SERGEF: variants seen among roughly 807,000 people sequenced by gnomAD.
SERGEF encodes secretion regulating guanine nucleotide exchange factor.
A neutral mutation model predicts 50.0 loss-of-function variants in SERGEF; 51 were observed. The ratio of observed to expected loss-of-function variants is 1.02; its 90% CI spans 0.81 to 1.29. The LOEUF is 1.29. Among genes scored for constraint, SERGEF ranks in the 50% most tolerant of loss-of-function variants. The pLI is 0.00. For missense variants in SERGEF, 521 were observed against 557.0 expected (o/e 0.94, Z 0.65); for synonymous variants, 205 against 212.4 (o/e 0.97, Z 0.30).
chr11:17,815,725 C>T (rs997262447), intron 10 of SERGEF, among the ~76,000 whole-genome samples: 13 of 151,742 alleles, frequency 8.6e-5, no homozygotes, highest in Non-Finnish European at 1.8e-4. Context: ...AGATCGAGAC[C>T]ATCCTGGCCA....
intron 9 of SERGEF, among the ~76,000 whole-genome samples, chr11:17,893,509 G>A (rs535595486): frequency 6.6e-6 from 1 of 152,168 alleles, no homozygotes; most frequent in South Asian, 2.1e-4. Context: ...TGGGGCCTCT[G>A]GAAAACATCT....
chr11:17,878,278 A>G, intron 9 of SERGEF, 34 bp from the exon 10 acceptor site: 1 of 1,483,106 alleles, frequency 6.7e-7, no homozygotes, highest in Non-Finnish European at 9.3e-7. Context: ...GAAAATGGAT[A>G]GATATTTCAG....
intron 10 of SERGEF, among the ~76,000 whole-genome samples, chr11:17,837,771 C>T (rs1038128421): frequency 1.3e-5 from 2 of 151,478 alleles, no homozygotes; most frequent in African/African-American, 4.9e-5. Context: ...AGCGGTTCTC[C>T]TGCCTCAGCC....
At chr11:18,012,788 C>CCAACA in intron 1 of SERGEF, 163 bp downstream of exon 1, 1 of 1,363,560 alleles carries the variant, frequency 7.3e-7, no homozygotes, top group Non-Finnish European at 1.0e-6. Flanking sequence ...CGCCCGCCCG[C>CCAACA]TCCTCCTCCG....
chr11:17,956,142 A>T (rs1348138176), intron 9 of SERGEF, among the ~76,000 whole-genome samples: 4 of 152,080 alleles, frequency 2.6e-5, no homozygotes, highest in Non-Finnish European at 4.4e-5. Flanking sequence ...ACATTAAAGG[A>T]AGGCCTACAA....
intron 9 of SERGEF, among the ~76,000 whole-genome samples, chr11:17,900,759 G>A (rs1357327741): frequency 1.3e-5 from 2 of 152,168 alleles, no homozygotes; most frequent in Non-Finnish European, 2.9e-5. Flanking sequence ...GTGTGTGGAA[G>A]CATACAATGG....
In SERGEF at chr11:17,888,841, A is replaced by G. The variant is rs1851482411; in HGVS notation, c.1012-10597T>C. ...TCTAGGGTTGGGATGAGGAAAGAAC[A>G]GTTTGAGCCTGGAACATGTATTTGT... is the stretch of plus-strand genomic sequence containing the variant. On this transcript the variant is annotated intron_variant, in intron 9 of 10. Coordinates refer to ENST00000265965, the MANE Select transcript of SERGEF (RefSeq NM_012139.4). This position sits in a 1 kb window ranked among gnomAD's most constrained non-coding sequence, Gnocchi z 4.1. Among the ~76,000 whole-genome samples, 1 of 152,198 alleles carries G rather than the reference A, an allele frequency of 6.6e-6. No homozygotes were observed. Among genetic ancestry groups the G allele is most frequent in the South Asian group, 2.1e-4 (1 of 4,830 alleles).
Position 17,808,646 on chromosome 11 carries a change from C to T in SERGEF, c.1049-20233G>A, listed in dbSNP as rs76120212. 8.6e-3 allele frequency among the ~76,000 whole-genome samples: 1,315 copies of T among 152,304 alleles called. 11 individuals are homozygous for T. The highest frequency in any genetic ancestry group is 0.027 in the Middle Eastern group (8 of 294). ...TCACCCAATGATAATTACCTTAAGA[C>T]GCTTGCTGTCAGACCCCTGGTCACA... On this transcript the variant is annotated intron_variant, in intron 10 of 10. Coordinates refer to ENST00000265965, the MANE Select transcript of SERGEF (RefSeq NM_012139.4).
intron 10 of SERGEF, among the ~76,000 whole-genome samples, chr11:17,793,354 T>C (rs1032179727): frequency 6.6e-6 from 1 of 152,194 alleles, no homozygotes; most frequent in Non-Finnish European, 1.5e-5. Flanking sequence ...AGCAAAGGAT[T>C]GGTTATCCCC....
rs61882462 is a variant in SERGEF, at chr11:17,998,466, T to C, written c.508+2031A>G. 1.8e-3 allele frequency among the ~76,000 whole-genome samples: 128 copies of C among 71,092 alleles called. 4 individuals are homozygous for C. The highest frequency in any genetic ancestry group is 8.6e-3 in the Middle Eastern group (1 of 116). 46.6% of individuals were successfully genotyped at this position (71,092 alleles called of 152,430 possible). A position where few individuals can be genotyped will look rare whatever the true frequency, so the allele number is the denominator to read the frequency against. On this transcript the variant is annotated intron_variant, in intron 5 of 10. Coordinates refer to ENST00000265965, the MANE Select transcript of SERGEF (RefSeq NM_012139.4). Reference sequence around the variant, plus strand: ...ATATATATATATATATATATATATATATATATATATATATATATATATGCA... The same window carrying C: ...ATATATATATATATATATATATATACATATATATATATATATATATATGCA...
At chr11:17,882,195 C>A (rs924969448) in intron 9 of SERGEF, among the ~76,000 whole-genome samples, 1 of 152,062 alleles carries the variant, frequency 6.6e-6, no homozygotes, top group Non-Finnish European at 1.5e-5. Flanking sequence ...GCGGGGGGAT[C>A]GTTTGAGGCC....
chr11:17,873,880 A>C (rs1851196079), intron 10 of SERGEF, among the ~76,000 whole-genome samples: 2 of 152,228 alleles, frequency 1.3e-5, no homozygotes, highest in African/African-American at 4.8e-5. Flanking sequence ...ATCAGGAAGA[A>C]GGCAAGCAAA....
At chr11:17,830,596 GAGGT>G (rs1342640428) in intron 10 of SERGEF, among the ~76,000 whole-genome samples, 2 of 115,220 alleles carry the variant, frequency 1.7e-5, no homozygotes, top group Non-Finnish European at 3.6e-5. Context: ...GAGAGGGAGA[GAGGT>G]GGAGAGAGAG....
intron 9 of SERGEF, among the ~76,000 whole-genome samples, chr11:17,936,582 C>T (rs528610769): frequency 6.6e-6 from 1 of 152,040 alleles, no homozygotes; most frequent in Non-Finnish European, 1.5e-5. Flanking sequence ...AGAAGGCTGG[C>T]CCTTCAGTCA....
chr11:18,008,757 C>T (rs1226016264), intron 1 of SERGEF, among the ~76,000 whole-genome samples: 2 of 151,560 alleles, frequency 1.3e-5, no homozygotes, highest in African/African-American at 4.9e-5. Flanking sequence ...CTCTCCTTAC[C>T]CCCTCCTCCT....
In SERGEF at chr11:17,808,454, C is replaced by T. The variant is rs1029719836; in HGVS notation, c.1049-20041G>A. 8.5e-5 allele frequency among the ~76,000 whole-genome samples: 13 copies of T among 152,128 alleles called. No individual in the cohort carries two copies. The East Asian group carries it at 9.6e-4, about 11-fold the overall frequency. On this transcript the variant is annotated intron_variant, in intron 10 of 10. Transcript: ENST00000265965. ...GCCATGCGCTTTTAAACAACCAAAT[C>T]ACACATGAACTCAGAAAGAGAACTC...
intron 9 of SERGEF, among the ~76,000 whole-genome samples, chr11:17,937,955 G>C (rs1286628804): frequency 6.6e-6 from 1 of 152,170 alleles, no homozygotes; most frequent in Non-Finnish European, 1.5e-5. Flanking sequence ...TGGGGATAAA[G>C]CAAGTAGTCA....
chr11:17,792,977 T>C (rs1226000155), intron 10 of SERGEF, among the ~76,000 whole-genome samples: 3 of 152,204 alleles, frequency 2.0e-5, no homozygotes, highest in Non-Finnish European at 4.4e-5. Flanking sequence ...TAGTTTGCCA[T>C]CCCCTGCTCC....
intron 10 of SERGEF, among the ~76,000 whole-genome samples, chr11:17,798,206 C>A (rs1425022614): frequency 1.3e-5 from 2 of 152,144 alleles, no homozygotes; most frequent in Non-Finnish European, 2.9e-5. Flanking sequence ...CCCCCTTGCT[C>A]AAAAGGTTGC....
Sources: allele counts gnomAD v4.1 joint callset (sites outside exome capture counted in the v4.1 genomes callset), GRCh38; gene constraint gnomAD v4.1.1; non-coding constraint Gnocchi (gnomAD v3.1); transcripts MANE v1.5; gene names NCBI Gene and HGNC (gene_info 2026-07-23, HGNC 2026-07-21).